UNC5D: variants seen among roughly 807,000 people sequenced by gnomAD.
UNC5D encodes the protein unc-5 netrin receptor D.
UNC5D carries 39 observed loss-of-function variants against 105.4 expected under a neutral mutation model. The ratio of observed to expected loss-of-function variants is 0.37; its 90% CI spans 0.29 to 0.48. The LOEUF is 0.48. Among genes scored for constraint, UNC5D ranks in the 20% least tolerant of loss-of-function variants. The probability of loss-of-function intolerance (pLI) is 0.98; values close to 1 mark genes in which losing one functional copy is unlikely to be tolerated. For synonymous variants in UNC5D, 452 were observed against 450.4 expected (o/e 1.00, Z -0.04); for missense variants, 991 against 1,202.4 (o/e 0.82, Z 2.60).
At chr8:35,442,728 C>A (rs746506485) in intron 1 of UNC5D, among the ~76,000 whole-genome samples, 6 of 151,818 alleles carry the variant, frequency 4.0e-5, no homozygotes, top group Admixed American at 2.6e-4. Flanking sequence ...GCTCTCTTCC[C>A]GAGCAGAGAT....
At chr8:35,746,434 A>G (rs551419676) in intron 11 of UNC5D, among the ~76,000 whole-genome samples, 1 of 148,178 alleles carries the variant, frequency 6.7e-6, no homozygotes, top group South Asian at 2.2e-4. Flanking sequence ...TTCCTTCACC[A>G]GAGAGAGACC....
chr8:35,635,741 C>T (rs1822330004), intron 4 of UNC5D, among the ~76,000 whole-genome samples: 1 of 151,990 alleles, frequency 6.6e-6, no homozygotes, highest in Non-Finnish European at 1.5e-5. Context: ...ATAAAAGACA[C>T]ATATACAATA....
chr8:35,622,330 G>A (rs934429488), intron 4 of UNC5D, among the ~76,000 whole-genome samples: 4 of 152,026 alleles, frequency 2.6e-5, no homozygotes, highest in African/African-American at 9.7e-5. Context: ...AACAGAGAGG[G>A]AGACTCTGTC....
chr8:35,396,887 G>A (rs766230221), intron 1 of UNC5D, among the ~76,000 whole-genome samples: 2 of 151,388 alleles, frequency 1.3e-5, no homozygotes, highest in Non-Finnish European at 2.9e-5. Context: ...CTGAGCCCAA[G>A]GGTTTTTTTG....
At chr8:35,407,507 TTGTATGTATGTATGTA>T (rs59074158) in intron 1 of UNC5D, among the ~76,000 whole-genome samples, 8 of 150,802 alleles carry the variant, frequency 5.3e-5, no homozygotes, top group African/African-American at 9.8e-5. Flanking sequence ...AGGTTTTCAT[TTGTATGTATGTATGTA>T]TGTATGTATG....
At chr8:35,605,095 G>A (rs141580058) in intron 4 of UNC5D, among the ~76,000 whole-genome samples, 13,935 of 152,192 alleles carry the variant, frequency 0.092, 670 homozygotes, top group Middle Eastern at 0.11. Flanking sequence ...GAGGAGCTGC[G>A]TTCCTTTGGA....
intron 13 of UNC5D, among the ~76,000 whole-genome samples, chr8:35,757,839 A>C (rs1207060455): frequency 6.6e-6 from 1 of 152,208 alleles, no homozygotes; most frequent in Non-Finnish European, 1.5e-5. Flanking sequence ...GACATTGGCT[A>C]CCATGTTATC....
intron 4 of UNC5D, among the ~76,000 whole-genome samples, chr8:35,664,156 T>G (rs1449480135): frequency 6.6e-6 from 1 of 151,954 alleles, no homozygotes; most frequent in African/African-American, 2.4e-5. Context: ...TCATCTTAAC[T>G]CAAGAACTGC....
At chr8:35,512,276 C>G (rs1233532545) in intron 1 of UNC5D, among the ~76,000 whole-genome samples, 10 of 151,012 alleles carry the variant, frequency 6.6e-5, no homozygotes. Flanking sequence ...AATCCCAGCA[C>G]TTTGGTGGGC....
intron 1 of UNC5D, among the ~76,000 whole-genome samples, chr8:35,528,049 T>G (rs28455707): frequency 2.6e-4 from 37 of 139,850 alleles, no homozygotes; most frequent in African/African-American, 4.9e-4. Context: ...GTTTTTTTTT[T>G]TTTTTTTTTT....
chr8:35,624,831 T>C (rs762584832), intron 4 of UNC5D, among the ~76,000 whole-genome samples: 23 of 152,284 alleles, frequency 1.5e-4, no homozygotes, highest in Non-Finnish European at 2.6e-4. Flanking sequence ...GCTTCTTCCC[T>C]CTCCACAGTC....
At chr8:35,763,383 A>AAATACAG (rs146330767) in intron 14 of UNC5D, among the ~76,000 whole-genome samples, 11,328 of 151,774 alleles carry the variant, frequency 0.075, 1,150 homozygotes, top group African/African-American at 0.23. Context: ...TTTTAGGAGA[A>AAATACAG]AATACAGAGA....
At chr8:35,312,148 A>G (rs748850743) in intron 1 of UNC5D, among the ~76,000 whole-genome samples, 2 of 152,200 alleles carry the variant, frequency 1.3e-5, no homozygotes, top group Non-Finnish European at 2.9e-5. Flanking sequence ...CTGTCACAGC[A>G]CCATAAATCA....
chr8:35,481,561 T>C (rs1367597701), intron 1 of UNC5D, among the ~76,000 whole-genome samples: 1 of 152,220 alleles, frequency 6.6e-6, no homozygotes, highest in Non-Finnish European at 1.5e-5. Context: ...TATTGAACTT[T>C]AGAATAAATT....
At position 35,525,101 on chromosome 8, in the gene UNC5D, C is replaced by T; in HGVS notation, c.104-24191C>T. 5 of 1,516,452 alleles carry T rather than the reference C, an allele frequency of 3.3e-6. No individual in the cohort carries two copies. The South Asian group carries it at 3.5e-5, about 11-fold the overall frequency. 93.9% of individuals were successfully genotyped at this position (1,516,452 alleles called of 1,614,324 possible). On this transcript the variant is annotated intron_variant, in intron 1 of 16. Coordinates refer to ENST00000404895, the MANE Select transcript of UNC5D (RefSeq NM_080872.4). Reference sequence around the variant, plus strand: ...GGACATATAGGATCCCTTCCCTCCCCCGGCCTGCCTCCGCTGAAGCCACCA... The same window carrying T: ...GGACATATAGGATCCCTTCCCTCCCTCGGCCTGCCTCCGCTGAAGCCACCA...
chr8:35,563,119 A>T (rs9772421), intron 2 of UNC5D, among the ~76,000 whole-genome samples: 34,440 of 151,704 alleles, frequency 0.23, 6,036 homozygotes, highest in African/African-American at 0.48. Flanking sequence ...AAATTTTAGG[A>T]TAGCTTTTTC....
At chr8:35,255,188 T>C (rs1010193727) in intron 1 of UNC5D, 6 of 152,190 alleles carry the variant, frequency 3.9e-5, no homozygotes, top group Non-Finnish European at 7.3e-5. Context: ...GCGTTGCTCT[T>C]CTTATCATCT....
At chr8:35,549,208 A>C in intron 1 of UNC5D, 84 bp from the exon 2 acceptor site, 1 of 1,261,772 alleles carries the variant, frequency 7.9e-7, no homozygotes, top group Non-Finnish European at 1.1e-6. Context: ...ACAGAATCTT[A>C]GAGCTGGTGC....
intron 1 of UNC5D, among the ~76,000 whole-genome samples, chr8:35,324,233 C>CATAAAAAAAA (rs1809972740): frequency 1.6e-5 from 1 of 62,802 alleles, no homozygotes; most frequent in Non-Finnish European, 2.9e-5. Context: ...ACCCTGTCTC[C>CATAAAAAAAA]AAAAAAAAAA....
Sources: gnomAD v4.1 joint callset for allele counts (sites outside exome capture counted in the v4.1 genomes callset) on GRCh38, gnomAD v4.1.1 for gene constraint, MANE v1.5 for transcripts, NCBI Gene and HGNC (gene_info 2026-07-23, HGNC 2026-07-21) for gene names.